The following LDLRAD4 variants were observed in gnomAD, a reference collection of about 807,000 sequenced individuals.
LDLRAD4 encodes low density lipoprotein receptor class A domain containing 4.
In LDLRAD4, 5 loss-of-function variants were observed where a neutral mutation model predicts 17.0. The ratio of observed to expected loss-of-function variants is 0.29; its 90% confidence interval spans 0.15 to 0.62. LDLRAD4 has a LOEUF of 0.62. LDLRAD4 is among the 20% of genes least tolerant of loss of function. The probability of loss-of-function intolerance (pLI) is 0.84; values close to 1 mark genes in which losing one functional copy is unlikely to be tolerated. For missense variants in LDLRAD4, 340 were observed against 424.7 expected, an observed-to-expected ratio of 0.80 and a Z score of 1.75; for synonymous variants, 168 against 171.8, an observed-to-expected ratio of 0.98 and a Z score of 0.17.
chr18:13,346,395 G>A (rs2082689828), intron 1 of LDLRAD4, among the ~76,000 whole-genome samples: 1 of 152,168 alleles, frequency 6.6e-6, no homozygotes, highest in Non-Finnish European at 1.5e-5. Flanking sequence ...TTTTGAGTGA[G>A]TTTCTTAATC....
intron 3 of LDLRAD4, among the ~76,000 whole-genome samples, chr18:13,513,955 C>T (rs761325451): frequency 2.0e-5 from 3 of 152,354 alleles, no homozygotes; most frequent in Non-Finnish European, 4.4e-5. Context: ...AGGGCCATAG[C>T]TCACCATTGT....
In LDLRAD4 at chr18:13,599,511, G is replaced by T. The variant is rs187993727; in HGVS notation, c.182-21606G>T. Reference sequence around the variant, plus strand: ...ATTTTTTTTTTTTTTTTTTTTTTGAGACAGAGTCTCACTCAGTCACCCAGG... The same window carrying T: ...ATTTTTTTTTTTTTTTTTTTTTTGATACAGAGTCTCACTCAGTCACCCAGG... On this transcript the variant is annotated intron_variant, in intron 3 of 5. Transcript: ENST00000359446. Among the ~76,000 whole-genome samples the T allele has an allele frequency of 5.6e-4, 63 of 112,480 alleles. 2 individuals are homozygous for T. In the East Asian group the frequency reaches 0.014, roughly 26 times the overall value. 73.8% of individuals were successfully genotyped at this position (112,480 alleles called of 152,430 possible). A position where few individuals can be genotyped will look rare whatever the true frequency, so the allele number is the denominator to read the frequency against.
chr18:13,307,043 T>C (rs1300188508), intron 1 of LDLRAD4, among the ~76,000 whole-genome samples: 1 of 152,240 alleles, frequency 6.6e-6, no homozygotes, highest in Non-Finnish European at 1.5e-5. Flanking sequence ...TTCCAGTTAT[T>C]CAGACTGCTT....
At chr18:13,651,007 A>C (rs747145514) in exon 6 of LDLRAD4, 2 of 152,254 alleles carry the variant, frequency 1.3e-5, no homozygotes, top group Non-Finnish European at 2.9e-5. Flanking sequence ...TTTGGTTGCC[A>C]CTAGACGCTT....
At chr18:13,625,700 G>T (rs1010154059) in intron 4 of LDLRAD4, among the ~76,000 whole-genome samples, 1 of 43,876 alleles carries the variant, frequency 2.3e-5, no homozygotes, top group Non-Finnish European at 4.6e-5. Flanking sequence ...TCCTCCCCCC[G>T]CCAGAGGCCT....
intron 3 of LDLRAD4, among the ~76,000 whole-genome samples, chr18:13,506,544 C>G (rs946590030): frequency 6.6e-6 from 1 of 152,108 alleles, no homozygotes; most frequent in Non-Finnish European, 1.5e-5. Flanking sequence ...CAGGGACCAA[C>G]ACAGCTACAT....
At chr18:13,344,932 G>A (rs952869428) in intron 1 of LDLRAD4, among the ~76,000 whole-genome samples, 2 of 152,150 alleles carry the variant, frequency 1.3e-5, no homozygotes, top group African/African-American at 2.4e-5. Context: ...CATTGATTTT[G>A]TATCCTGAGA....
intron 1 of LDLRAD4, among the ~76,000 whole-genome samples, chr18:13,292,957 C>T (rs2046051482): frequency 6.6e-6 from 1 of 152,170 alleles, no homozygotes; most frequent in African/African-American, 2.4e-5. Context: ...ACGAGTTCAG[C>T]GAGGTCTTGG....
At chr18:13,471,084 G>T (rs773793115) in intron 3 of LDLRAD4, 4 of 152,210 alleles carry the variant, frequency 2.6e-5, no homozygotes, top group Non-Finnish European at 5.9e-5. Flanking sequence ...GATTGTTAAT[G>T]ATGTCATAAT....
chr18:13,313,233 A>G (rs905880997), intron 1 of LDLRAD4, among the ~76,000 whole-genome samples: 1 of 152,190 alleles, frequency 6.6e-6, no homozygotes, highest in African/African-American at 2.4e-5. Context: ...GCAGAGTCCT[A>G]TTTGAGTTGG....
chr18:13,372,470 C>T (rs1371673745), intron 1 of LDLRAD4, among the ~76,000 whole-genome samples: 1 of 152,170 alleles, frequency 6.6e-6, no homozygotes, highest in Non-Finnish European at 1.5e-5. Context: ...ATGAAAGAGA[C>T]AAGATGAATG....
chr18:13,534,555 A>G (rs1393289153), intron 3 of LDLRAD4, among the ~76,000 whole-genome samples: 1 of 152,190 alleles, frequency 6.6e-6, no homozygotes, highest in Admixed American at 6.5e-5. Flanking sequence ...CTAAAAAGAA[A>G]AAAAAAAAGA....
chr18:13,413,860 G>T (rs2088606342), intron 2 of LDLRAD4, among the ~76,000 whole-genome samples: 1 of 151,946 alleles, frequency 6.6e-6, no homozygotes, highest in Non-Finnish European at 1.5e-5. Context: ...GAGCCCAGGA[G>T]TAGGAGTGCA....
At chr18:13,411,251 CAAAAAAA>C (rs71174170) in intron 2 of LDLRAD4, among the ~76,000 whole-genome samples, 3 of 106,204 alleles carry the variant, frequency 2.8e-5, no homozygotes, top group Non-Finnish European at 6.1e-5. Flanking sequence ...GACCCTGTCT[CAAAAAAA>C]AAAAAAAGAA....
chr18:13,449,040 A>C (rs2091620280), intron 3 of LDLRAD4, among the ~76,000 whole-genome samples: 1 of 152,224 alleles, frequency 6.6e-6, no homozygotes, highest in South Asian at 2.1e-4. Context: ...AGCTAATAAC[A>C]GAGGGAAAAG....
chr18:13,473,423 A>C (rs1466074197), intron 3 of LDLRAD4, among the ~76,000 whole-genome samples: 2 of 152,002 alleles, frequency 1.3e-5, no homozygotes, highest in Non-Finnish European at 2.9e-5. Context: ...TAATCCCAGC[A>C]CTTTGGGAAG....
chr18:13,466,070 GA>G (rs1217196080), intron 3 of LDLRAD4, among the ~76,000 whole-genome samples: 2 of 152,224 alleles, frequency 1.3e-5, no homozygotes, highest in Non-Finnish European at 1.5e-5. Context: ...TATCTTGAAT[GA>G]AATAATGAAG....
chr18:13,614,947 G>C (rs953119613), intron 3 of LDLRAD4: 8 of 152,320 alleles, frequency 5.3e-5, no homozygotes, highest in Admixed American at 3.9e-4. Flanking sequence ...TAGCCAAGCA[G>C]GCCCAGCCAA....
chr18:13,446,487 A>G (rs2091414602), intron 3 of LDLRAD4, among the ~76,000 whole-genome samples: 1 of 152,196 alleles, frequency 6.6e-6, no homozygotes, highest in Non-Finnish European at 1.5e-5. Flanking sequence ...GGATTTTCAA[A>G]CAGATTATGA....
Sources: gnomAD v4.1 joint callset for allele counts (sites outside exome capture counted in the v4.1 genomes callset) on GRCh38, gnomAD v4.1.1 for gene constraint, MANE v1.5 for transcripts, NCBI Gene and HGNC (gene_info 2026-07-23, HGNC 2026-07-21) for gene names.